NME5: variants seen among roughly 807,000 people sequenced by gnomAD.
NME5 encodes NME/NM23 family member 5, also known as nucleoside diphosphate kinase 5.
A neutral mutation model predicts 21.6 loss-of-function variants in NME5; 18 were observed. That is an observed-to-expected ratio of 0.83 (90% CI 0.58 to 1.24). The LOEUF (loss-of-function observed/expected upper bound fraction) is 1.24. Ranked by LOEUF, NME5 falls within the 50% of genes most tolerant of loss-of-function variation. NME5 has a pLI of 0.00. For synonymous variants in NME5, 70 were observed against 80.6 expected, an observed-to-expected ratio of 0.87 and a Z score of 0.71; for missense variants, 223 against 255.4, an observed-to-expected ratio of 0.87 and a Z score of 0.86.
chr5:138,127,783 T>TA (rs1751457335), intron 4 of NME5: 1 of 602,448 alleles, frequency 1.7e-6, no homozygotes, highest in African/African-American at 2.0e-5. Flanking sequence ...AGTAAATTGT[T>TA]ACAGAAGACG....
intron 4 of NME5, among the ~76,000 whole-genome samples, chr5:138,120,071 G>C (rs935358290): frequency 1.3e-5 from 2 of 151,664 alleles, no homozygotes; most frequent in African/African-American, 4.8e-5. Context: ...AAGTAGCTGG[G>C]CCTGCAAGTG....
chr5:138,138,896 G>A (rs779440333), intron 1 of NME5, 111 bp from the exon 2 acceptor site: 27 of 972,672 alleles, frequency 2.8e-5, no homozygotes, highest in Non-Finnish European at 3.4e-5. Context: ...AATAGCAATA[G>A]TAGGTACTTG....
Position 138,129,446 on chromosome 5 carries a change from G to T in NME5, c.152C>A (p.Pro51His), listed in dbSNP as rs751870036. The T allele has an allele frequency of 4.0e-5, 65 of 1,613,800 alleles. No individual in the cohort carries two copies. The highest frequency in any genetic ancestry group is 5.4e-5 in the Non-Finnish European group (64 of 1,179,920). Residue 51 changes from proline to histidine, a missense_variant, in exon 3 of 6, where the codon CCT becomes CAT. Coordinates refer to ENST00000265191, the MANE Select transcript of NME5 (RefSeq NM_003551.3). ...IVQRRKLRLS[P>H]EQCSNFYVEK... ...CACATAAAAGTTACTACATTGCTCA[G>T]GGCTGAGGCGTAGTTTTCTTCTCTA...
In NME5 at chr5:138,120,498, A is replaced by G. The variant is rs368506235; in HGVS notation, c.437-1562T>C. Among the ~76,000 whole-genome samples the G allele has an allele frequency of 3.6e-3, 544 of 152,206 alleles. 2 individuals are homozygous for G. Among genetic ancestry groups the G allele is most frequent in the African/African-American group, 0.012 (516 of 41,540 alleles). On this transcript the variant is annotated intron_variant, in intron 4 of 5. Coordinates refer to ENST00000265191, the MANE Select transcript of NME5 (RefSeq NM_003551.3). Reference sequence around the variant, plus strand: ...TGTGAGCCGCCTGCCTCGGCCTCCCAAAGTGCTGGGATTACAGGCATGAGC... The same window carrying G: ...TGTGAGCCGCCTGCCTCGGCCTCCCGAAGTGCTGGGATTACAGGCATGAGC...
In NME5 at chr5:138,129,392, T is replaced by G. The variant is rs772782181; in HGVS notation, c.206A>C (p.Asn69Thr). ...TCCAGAACTCATGTAAGCTGTTAAG[T>G]TGGGGAAAAACATTTTTCCATACTT... ...VEKYGKMFFPNLTAYMSSGPL... is the reference protein window; with the variant it reads ...VEKYGKMFFPTLTAYMSSGPL... The change falls in exon 3 of 6, where the codon AAC becomes ACC. Residue 69 changes from asparagine to threonine, a missense_variant. Physicochemically the swap from Asn to Thr is moderately conservative, Grantham distance 65. Coordinates refer to ENST00000265191, the MANE Select transcript of NME5 (RefSeq NM_003551.3). 2 of 1,614,068 alleles carry G rather than the reference T, an allele frequency of 1.2e-6. No homozygotes were observed. Among genetic ancestry groups the G allele is most frequent in the Non-Finnish European group, 1.7e-6 (2 of 1,179,960 alleles).
At chr5:138,129,210 C>A in intron 3 of NME5, 53 bp downstream of exon 3, 8 of 1,130,736 alleles carry the variant, frequency 7.1e-6, no homozygotes, top group Non-Finnish European at 8.7e-6. Context: ...TTTTTTTTTT[C>A]ATTTTCACAG....
rs767424536 is a variant in NME5, at chr5:138,119,642, TTTTTC to T, written c.437-711_437-707del. On this transcript the variant is annotated intron_variant, in intron 4 of 5. Coordinates refer to ENST00000265191, the MANE Select transcript of NME5 (RefSeq NM_003551.3). Reference sequence around the variant, plus strand: ...GAGCCACTGCAACCAGCCTGTTTTCTTTTTCTTTTCTTTTCTTTATTTTTTTTTTT... The same window carrying T: ...GAGCCACTGCAACCAGCCTGTTTTCTTTTTCTTTTCTTTATTTTTTTTTTT... Among the ~76,000 whole-genome samples the T allele has an allele frequency of 8.1e-4, 119 of 147,704 alleles. 1 individual carries two copies. In the East Asian group the frequency reaches 9.6e-3, roughly 12 times the overall value.
chr5:138,138,644 G>T lies in NME5; in HGVS notation c.129+8C>A. 1 of 1,607,692 alleles carries T rather than the reference G, an allele frequency of 6.2e-7. No individual in the cohort carries two copies. On this transcript the variant is annotated splice_region_variant and intron_variant, in intron 2 of 5. Coordinates refer to ENST00000265191, the MANE Select transcript of NME5 (RefSeq NM_003551.3). ...AAAAAAGCATGAATCATCATACCCA[G>T]AAGTTACCTGAACAATGGTGAATCC...
intron 5 of NME5, among the ~76,000 whole-genome samples, chr5:138,117,115 A>C (rs1041794843): frequency 6.6e-6 from 1 of 151,020 alleles, no homozygotes; most frequent in Non-Finnish European, 1.5e-5. Context: ...AGCCTGGTGC[A>C]CAAGAATCAC....
chr5:138,134,289 G>C (rs1751640288), intron 2 of NME5, among the ~76,000 whole-genome samples: 1 of 151,558 alleles, frequency 6.6e-6, no homozygotes, highest in African/African-American at 2.4e-5. Context: ...TGTTGCCCAG[G>C]CTGGAGTGCA....
chr5:138,130,690 C>T (rs573104165), intron 2 of NME5, among the ~76,000 whole-genome samples: 2 of 151,754 alleles, frequency 1.3e-5, no homozygotes, highest in African/African-American at 2.4e-5. Context: ...TTTGGGAGGC[C>T]GAGGTGGGTG....
Position 138,118,940 on chromosome 5 carries a change from C to A in NME5, c.437-4G>T. ...ATTGGAATGGGCTCAACAATCACTG[C>A]AAATACAAATGTATTCTCATTGATG... is the stretch of plus-strand genomic sequence containing the variant. On this transcript the variant is annotated splice_polypyrimidine_tract_variant and splice_region_variant and intron_variant, in intron 4 of 5. Transcript: ENST00000265191. The A allele has an allele frequency of 6.9e-7, 1 of 1,446,446 alleles. No homozygotes were observed. 89.6% of individuals were successfully genotyped at this position (1,446,446 alleles called of 1,614,324 possible).
At chr5:138,120,265 TTCTC>T (rs1751257410) in intron 4 of NME5, among the ~76,000 whole-genome samples, 1 of 141,480 alleles carries the variant, frequency 7.1e-6, no homozygotes, top group African/African-American at 2.7e-5. Context: ...GACAGAGTCT[TTCTC>T]TGTCGCCAGG....
At chr5:138,138,612 A>G (rs778835397) in intron 2 of NME5, 40 bp downstream of exon 2, 1 of 1,578,594 alleles carries the variant, frequency 6.3e-7, no homozygotes, top group South Asian at 1.2e-5. Flanking sequence ...TTTTAAGGGC[A>G]GAGAGGAAAA....
chr5:138,115,535 T>C lies in NME5; in HGVS notation c.*146A>G, dbSNP rs1480530870. On this transcript the variant is annotated 3_prime_UTR_variant, in exon 6 of 6. Coordinates refer to ENST00000265191, the MANE Select transcript of NME5 (RefSeq NM_003551.3). ...CCTTAATGTTATCTGCTTCATAGAA[T>C]AGTTATTCCTTTAACACTTATTTTT... 1 of 488,892 alleles carries C rather than the reference T, an allele frequency of 2.0e-6. No homozygotes were observed. The highest frequency in any genetic ancestry group is 3.2e-5 in the East Asian group (1 of 31,692). The allele number at this position is 488,892 out of a possible 1,614,324, so 30.3% of individuals were successfully genotyped here. A position where few individuals can be genotyped will look rare whatever the true frequency, so the allele number is the denominator to read the frequency against.
chr5:138,137,724 G>A (rs969448945), intron 2 of NME5, among the ~76,000 whole-genome samples: 1 of 151,792 alleles, frequency 6.6e-6, no homozygotes, highest in African/African-American at 2.4e-5. Flanking sequence ...AAAGAGGCGG[G>A]GTGCAGTGGC....
Position 138,129,349 on chromosome 5 carries a change from TATC to T in NME5, c.246_248del (p.Met82del). On this transcript the variant is annotated inframe_deletion, in exon 3 of 6. Coordinates refer to ENST00000265191, the MANE Select transcript of NME5 (RefSeq NM_003551.3). The stretch of plus-strand genomic sequence containing the variant: ...AAGAGATGGCTTTATGTCTAGCTAA[TATC>T]ATGGCGACAAGTGGTCCAGAACTCA... 1 of 1,614,058 alleles carries T rather than the reference TATC, an allele frequency of 6.2e-7. No homozygotes were observed. The highest frequency in any genetic ancestry group is 8.5e-7 in the Non-Finnish European group (1 of 1,179,926).
chr5:138,119,482 G>A (rs1018092205), intron 4 of NME5, among the ~76,000 whole-genome samples: 2 of 151,984 alleles, frequency 1.3e-5, no homozygotes, highest in African/African-American at 4.8e-5. Flanking sequence ...GCGGGCATGA[G>A]CCACCATGCT....
intron 4 of NME5, among the ~76,000 whole-genome samples, chr5:138,122,017 G>C (rs548396248): frequency 7.9e-5 from 12 of 151,930 alleles, no homozygotes; most frequent in Admixed American, 1.3e-4. Flanking sequence ...AATTTAGAAA[G>C]AATTGCCATC....
Sources: gnomAD v4.1 joint callset for allele counts (sites outside exome capture counted in the v4.1 genomes callset) on GRCh38, gnomAD v4.1.1 for gene constraint, MANE v1.5 for transcripts, NCBI Gene and HGNC (gene_info 2026-07-23, HGNC 2026-07-21) for gene names.